MYO18B: variants seen among roughly 807,000 people sequenced by gnomAD.
MYO18B encodes the protein unconventional myosin-XVIIIb.
A neutral mutation model predicts 273.0 loss-of-function variants in MYO18B; 204 were observed. The ratio of observed to expected loss-of-function variants is 0.75; its 90% CI spans 0.67 to 0.84. The LOEUF (loss-of-function observed/expected upper bound fraction) is 0.84, where lower values mean the gene tolerates loss of function less well. MYO18B is among the 40% of genes least tolerant of loss of function. The probability of loss-of-function intolerance (pLI) is 0.00; values close to 1 mark genes in which losing one functional copy is unlikely to be tolerated. For synonymous variants in MYO18B, 1,330 were observed against 1,305.7 expected (o/e 1.02, Z -0.40); for missense variants, 3,212 against 3,287.6 (o/e 0.98, Z 0.56).
chr22:25,855,113 C>T lies in MYO18B; in HGVS notation c.3885+3534C>T, dbSNP rs182675309. 4.6e-5 allele frequency among the ~76,000 whole-genome samples: 7 copies of T among 152,202 alleles called. No homozygotes were observed. In the East Asian group the frequency reaches 1.2e-3, roughly 25 times the overall value. On this transcript the variant is annotated intron_variant, in intron 21 of 43. Coordinates refer to ENST00000335473, the MANE Select transcript of MYO18B (RefSeq NM_032608.7). ...CTCTCCCTCCTCCCATCCTTCCCCT[C>T]CAACAGGCTCCAGTGTGTGTTGTTC...
chr22:25,794,327 T>C (rs2087810690), intron 11 of MYO18B, among the ~76,000 whole-genome samples: 1 of 151,488 alleles, frequency 6.6e-6, no homozygotes, highest in Admixed American at 6.6e-5. Context: ...CCGCCTCAGC[T>C]TCCTAAGTAG....
intron 19 of MYO18B, 41 bp from the exon 20 acceptor site, chr22:25,847,389 C>G: frequency 5.3e-6 from 8 of 1,521,592 alleles, no homozygotes; most frequent in Non-Finnish European, 7.1e-6. Context: ...TTCTGTGTCT[C>G]TGTGAGACAA....
In MYO18B at chr22:25,895,214, G is replaced by A. The variant is rs746729643; in HGVS notation, c.4602G>A (p.Lys1534=). 1.1e-5 allele frequency: 17 copies of A among 1,610,738 alleles called. No homozygotes were observed. Among genetic ancestry groups the A allele is most frequent in the Non-Finnish European group, 1.4e-5 (16 of 1,178,580 alleles). ...CAQMENEFLR[K]RLQQCEERLD... ...AGATGGAGAACGAGTTCCTCAGAAA[G>A]CGTCTGCAGCAATGCGAGGAGAGGC... is the stretch of plus-strand genomic sequence containing the variant. Residue 1534 remains lysine (K), a synonymous_variant, in exon 28 of 44, where the codon AAG becomes AAA. Coordinates refer to ENST00000335473, the MANE Select transcript of MYO18B (RefSeq NM_032608.7).
intron 40 of MYO18B, 144 bp downstream of exon 40, chr22:25,992,637 G>A: frequency 9.2e-7 from 1 of 1,081,820 alleles, no homozygotes. Flanking sequence ...CGTTTACTTG[G>A]GTAAGGAGAG....
intron 3 of MYO18B, among the ~76,000 whole-genome samples, chr22:25,767,084 A>G (rs1047914165): frequency 6.6e-6 from 1 of 152,228 alleles, no homozygotes; most frequent in Non-Finnish European, 1.5e-5. Context: ...AAGATGGAAG[A>G]ACCCAGGCTA....
At chr22:26,043,673 G>A in the MYO18B span, among the ~76,000 whole-genome samples, 2 of 151,986 alleles carry the variant, frequency 1.3e-5, no homozygotes, top group African/African-American at 2.4e-5. Context: ...ACCACGTCCG[G>A]CTAATTTTTT....
At chr22:25,846,332 C>T (rs1230382048) in intron 19 of MYO18B, 49 bp downstream of exon 19, 2 of 1,588,756 alleles carry the variant, frequency 1.3e-6, no homozygotes, top group South Asian at 1.1e-5. Flanking sequence ...CTGCCTCCAT[C>T]CTCATCTCCT....
intron 19 of MYO18B, 117 bp downstream of exon 19, chr22:25,846,400 G>A (rs567731482): frequency 1.8e-5 from 20 of 1,141,064 alleles, no homozygotes; most frequent in South Asian, 7.4e-5. Context: ...CCAGAGGGGC[G>A]AGTGTCACCC....
intron 17 of MYO18B, among the ~76,000 whole-genome samples, chr22:25,835,780 C>T (rs554532429): frequency 6.6e-5 from 10 of 152,204 alleles, no homozygotes; most frequent in Non-Finnish European, 1.5e-4. Flanking sequence ...TCTCATTTTT[C>T]TGGTAGCCAG....
intron 11 of MYO18B, among the ~76,000 whole-genome samples, chr22:25,791,487 C>T (rs1202029400): frequency 6.6e-6 from 1 of 152,232 alleles, no homozygotes; most frequent in African/African-American, 2.4e-5. Context: ...CTGCCTGCCA[C>T]ATTGCAGCTT....
the MYO18B span, among the ~76,000 whole-genome samples, chr22:26,056,947 A>G: frequency 1.3e-5 from 2 of 152,216 alleles, no homozygotes. Flanking sequence ...CGTGAACTGT[A>G]CACTGAGTCA....
At chr22:25,782,765 C>G (rs547995880) in intron 10 of MYO18B, among the ~76,000 whole-genome samples, 46 of 152,320 alleles carry the variant, frequency 3.0e-4, no homozygotes, top group African/African-American at 8.9e-4. Context: ...GCTGGAGGGA[C>G]AGCTGTAACC....
rs143324256 is a variant in MYO18B, at chr22:25,941,341, CATT to C, written c.5518-4795_5518-4793del. ...AGTGTCAGCTGTCACCTCAGGTCCT[CATT>C]GTCACACTGGCCACAAGGGTTGGAG... On this transcript the variant is annotated intron_variant, in intron 34 of 43. Coordinates refer to ENST00000335473, the MANE Select transcript of MYO18B (RefSeq NM_032608.7). Among the ~76,000 whole-genome samples the C allele has an allele frequency of 2.3e-3, 357 of 152,300 alleles. 1 individual carries two copies. The highest frequency in any genetic ancestry group is 0.017 in the East Asian group (88 of 5,164).
intron 4 of MYO18B, 108 bp downstream of exon 4, chr22:25,769,536 G>A: frequency 1.9e-6 from 2 of 1,070,714 alleles, no homozygotes; most frequent in Non-Finnish European, 2.6e-6. Context: ...GACGGGGGGT[G>A]GGCAGGGAAT....
intron 21 of MYO18B, among the ~76,000 whole-genome samples, chr22:25,852,511 T>C (rs1387661953): frequency 1.3e-5 from 2 of 152,234 alleles, no homozygotes; most frequent in African/African-American, 4.8e-5. Flanking sequence ...CTACTTCCAG[T>C]GCCAAACTTT....
the MYO18B span, among the ~76,000 whole-genome samples, chr22:26,048,180 G>C: frequency 1.3e-5 from 2 of 151,952 alleles, no homozygotes; most frequent in Admixed American, 6.6e-5. Context: ...GTTTTGTTTT[G>C]TTTTTGTCTG....
intron 34 of MYO18B, among the ~76,000 whole-genome samples, chr22:25,935,891 A>G (rs2092571043): frequency 6.6e-6 from 1 of 152,216 alleles, no homozygotes; most frequent in East Asian, 1.9e-4. Context: ...CTTCTTCCCA[A>G]GGATGCATGC....
intron 12 of MYO18B, among the ~76,000 whole-genome samples, chr22:25,814,337 T>TTTTTTTTTTTC (rs2088908429): frequency 1.0e-5 from 1 of 98,846 alleles, no homozygotes; most frequent in Non-Finnish European, 2.0e-5. Flanking sequence ...TTTTTTTTTT[T>TTTTTTTTTTTC]GAGACAGAGT....
intron 14 of MYO18B, among the ~76,000 whole-genome samples, chr22:25,826,714 T>C (rs1217831676): frequency 1.3e-5 from 2 of 152,182 alleles, no homozygotes. Flanking sequence ...GTCTGTACAA[T>C]AGCTCTCTTC....
Sources: allele counts gnomAD v4.1 joint callset (sites outside exome capture counted in the v4.1 genomes callset), GRCh38; gene constraint gnomAD v4.1.1; transcripts MANE v1.5; gene names NCBI Gene and HGNC (gene_info 2026-07-23, HGNC 2026-07-21).